KLHL1: variants seen among roughly 807,000 people sequenced by gnomAD.
KLHL1 encodes the protein kelch-like protein 1.
In KLHL1, 47 loss-of-function variants were observed where a neutral mutation model predicts 77.7. The observed-to-expected ratio is 0.60, with a 90% CI of 0.48 to 0.77. The LOEUF is 0.77. KLHL1 is among the 30% of genes least tolerant of loss of function. The pLI, the probability that KLHL1 is intolerant of heterozygous loss-of-function variation, is 0.00. For missense variants in KLHL1, 925 were observed against 910.8 expected (o/e 1.02, Z -0.20); for synonymous variants, 360 against 325.2 (o/e 1.11, Z -1.15).
intron 6 of KLHL1, among the ~76,000 whole-genome samples, chr13:69,817,436 C>T (rs1878164329): frequency 6.6e-6 from 1 of 152,304 alleles, no homozygotes; most frequent in South Asian, 2.1e-4. Context: ...AATGAGCACC[C>T]AACCTCACTA....
At chr13:69,926,816 G>A (rs993823281) in intron 4 of KLHL1, among the ~76,000 whole-genome samples, 31 of 151,192 alleles carry the variant, frequency 2.1e-4, no homozygotes, top group Non-Finnish European at 3.7e-4. Flanking sequence ...GTATGGTGGC[G>A]GGTGCCTGTA....
intron 7 of KLHL1, among the ~76,000 whole-genome samples, chr13:69,780,018 T>G (rs1032281246): frequency 5.3e-5 from 8 of 151,250 alleles, no homozygotes; most frequent in Non-Finnish European, 1.0e-4. Flanking sequence ...TGGCCAGGCT[T>G]GTCTCTATCT....
At chr13:69,766,876 C>G (rs1875331015) in intron 7 of KLHL1, among the ~76,000 whole-genome samples, 1 of 152,100 alleles carries the variant, frequency 6.6e-6, no homozygotes, top group Non-Finnish European at 1.5e-5. Flanking sequence ...ACAAGCCTGA[C>G]TGGAATAAAA....
At chr13:70,036,751 G>A (rs1385170316) in intron 1 of KLHL1, among the ~76,000 whole-genome samples, 1 of 148,448 alleles carries the variant, frequency 6.7e-6, no homozygotes, top group Non-Finnish European at 1.5e-5. Context: ...ATTAGACTTT[G>A]AAACTTTTAT....
chr13:69,874,578 C>G (rs1400455362), intron 5 of KLHL1, among the ~76,000 whole-genome samples: 1 of 151,976 alleles, frequency 6.6e-6, no homozygotes, highest in Non-Finnish European at 1.5e-5. Flanking sequence ...AATTATTATA[C>G]CCTATATTAA....
Position 70,016,625 on chromosome 13 carries a change from G to A in KLHL1, c.498-40823C>T, listed in dbSNP as rs74501376. Reference sequence around the variant, plus strand: ...TGAATTTTGGGCACCGATGAGGATCGAAGGGAGGCTGAGAGTGGCTCAGCA... The same window carrying A: ...TGAATTTTGGGCACCGATGAGGATCAAAGGGAGGCTGAGAGTGGCTCAGCA... On this transcript the variant is annotated intron_variant, in intron 1 of 10. Coordinates refer to ENST00000377844, the MANE Select transcript of KLHL1 (RefSeq NM_020866.3). Among the ~76,000 whole-genome samples the A allele has an allele frequency of 3.6e-3, 544 of 152,292 alleles. 5 individuals carry two copies. The highest frequency in any genetic ancestry group is 0.013 in the African/African-American group (525 of 41,566).
At chr13:69,832,711 A>C (rs182585473) in intron 6 of KLHL1, among the ~76,000 whole-genome samples, 45 of 152,256 alleles carry the variant, frequency 3.0e-4, no homozygotes, top group African/African-American at 9.9e-4. Context: ...AAACTGTACA[A>C]TAAGACTATA....
chr13:69,946,323 T>G (rs1446208037), intron 3 of KLHL1, among the ~76,000 whole-genome samples: 1 of 152,276 alleles, frequency 6.6e-6, no homozygotes, highest in South Asian at 2.1e-4. Context: ...CAGTTTATTA[T>G]ATCTTGATTA....
chr13:69,775,140 A>G (rs533841544), intron 7 of KLHL1, among the ~76,000 whole-genome samples: 6 of 152,176 alleles, frequency 3.9e-5, no homozygotes, highest in Non-Finnish European at 7.3e-5. Flanking sequence ...TAGATAAGAC[A>G]CTACTACAGG....
chr13:69,856,284 G>C (rs116878107), intron 5 of KLHL1, among the ~76,000 whole-genome samples: 1,536 of 152,112 alleles, frequency 0.01, 12 homozygotes, highest in Middle Eastern at 0.044. Flanking sequence ...CTAAGCTCAA[G>C]TTTCCTTTTT....
At chr13:69,777,959 T>C (rs536963713) in intron 7 of KLHL1, among the ~76,000 whole-genome samples, 1 of 152,164 alleles carries the variant, frequency 6.6e-6, no homozygotes, top group Non-Finnish European at 1.5e-5. Flanking sequence ...TTCCTCATTT[T>C]TAACTTGACT....
intron 1 of KLHL1, among the ~76,000 whole-genome samples, chr13:70,060,515 C>T (rs764912283): frequency 1.3e-5 from 2 of 148,666 alleles, no homozygotes; most frequent in Non-Finnish European, 3.0e-5. Flanking sequence ...GAAGGAAAAC[C>T]TATTTGTTAA....
intron 8 of KLHL1, among the ~76,000 whole-genome samples, chr13:69,725,973 T>G (rs924632146): frequency 3.3e-5 from 5 of 152,136 alleles, no homozygotes; most frequent in Non-Finnish European, 5.9e-5. Flanking sequence ...TACTCATCTC[T>G]CAGTCAGCTG....
chr13:69,846,079 G>C (rs1879446787), intron 5 of KLHL1, among the ~76,000 whole-genome samples: 1 of 150,952 alleles, frequency 6.6e-6, no homozygotes, highest in South Asian at 2.1e-4. Flanking sequence ...TATCATACAA[G>C]ACAACAAACT....
intron 1 of KLHL1, among the ~76,000 whole-genome samples, chr13:70,030,232 C>T (rs184868512): frequency 6.6e-6 from 1 of 152,252 alleles, no homozygotes; most frequent in Admixed American, 6.5e-5. Context: ...CTCAGCTCTG[C>T]ACCAAGCGGA....
intron 5 of KLHL1, among the ~76,000 whole-genome samples, chr13:69,845,758 C>T (rs893227387): frequency 6.6e-6 from 1 of 151,244 alleles, no homozygotes; most frequent in Non-Finnish European, 1.5e-5. Flanking sequence ...AACAAAATAT[C>T]TTGAAATCAT....
intron 9 of KLHL1, among the ~76,000 whole-genome samples, chr13:69,713,796 T>C (rs554506855): frequency 3.9e-5 from 6 of 152,244 alleles, no homozygotes; most frequent in African/African-American, 1.4e-4. Flanking sequence ...TTAGAGACAA[T>C]ATTTGTTGGT....
chr13:69,923,429 GTCT>G (rs1882709023), intron 4 of KLHL1, among the ~76,000 whole-genome samples: 1 of 152,096 alleles, frequency 6.6e-6, no homozygotes, highest in Non-Finnish European at 1.5e-5. Context: ...TAAAGTTCTT[GTCT>G]TCTTGAAATT....
At chr13:69,747,407 A>G (rs1303248627) in intron 7 of KLHL1, among the ~76,000 whole-genome samples, 1 of 151,900 alleles carries the variant, frequency 6.6e-6, no homozygotes, top group Non-Finnish European at 1.5e-5. Context: ...CTATATTGTA[A>G]TTTATTTACT....
Sources: allele counts gnomAD v4.1 joint callset (sites outside exome capture counted in the v4.1 genomes callset), GRCh38; gene constraint gnomAD v4.1.1; transcripts MANE v1.5; gene names NCBI Gene and HGNC (gene_info 2026-07-23, HGNC 2026-07-21).